Variants in EBF2 observed in about 807,000 individuals in gnomAD.
EBF2 encodes transcription factor COE2.
Under a neutral mutation model 72.8 loss-of-function variants are expected in EBF2, and 21 were observed. The ratio of observed to expected loss-of-function variants is 0.29; its 90% CI spans 0.20 to 0.42. The LOEUF is 0.42. Ranked by LOEUF, EBF2 falls within the 10% of genes least tolerant of loss-of-function variation. The pLI is 1.00. For missense variants in EBF2, 637 were observed against 731.2 expected, an observed-to-expected ratio of 0.87 and a Z score of 1.49; for synonymous variants, 299 against 274.2, an observed-to-expected ratio of 1.09 and a Z score of -0.89.
chr8:25,951,266 A>C (rs1169374579), intron 6 of EBF2, among the ~76,000 whole-genome samples: 1 of 152,168 alleles, frequency 6.6e-6, no homozygotes, highest in Non-Finnish European at 1.5e-5. Context: ...CAGTGCCAGC[A>C]ACTAGAATCT....
intron 6 of EBF2, among the ~76,000 whole-genome samples, chr8:25,996,470 G>A (rs1025621126): frequency 6.6e-6 from 1 of 151,492 alleles, no homozygotes; most frequent in African/African-American, 2.4e-5. Flanking sequence ...TTAAAAATCA[G>A]AACTGCAAAT....
intron 15 of EBF2, 107 bp downstream of exon 15, chr8:25,850,487 A>C: frequency 7.8e-7 from 1 of 1,281,254 alleles, no homozygotes; most frequent in Non-Finnish European, 1.0e-6. Context: ...ACAGCAAAGC[A>C]TCTCTTTGCA....
At chr8:25,899,180 A>C (rs1472479168) in intron 7 of EBF2, among the ~76,000 whole-genome samples, 1 of 151,972 alleles carries the variant, frequency 6.6e-6, no homozygotes, top group Admixed American at 6.6e-5. Context: ...GTCACTCCAG[A>C]GAGCCTTCCC....
At chr8:26,027,974 G>T (rs1805328361) in intron 6 of EBF2, among the ~76,000 whole-genome samples, 1 of 152,182 alleles carries the variant, frequency 6.6e-6, no homozygotes, top group Non-Finnish European at 1.5e-5. Context: ...GAGACGGGTA[G>T]TGGGGAATTG....
At chr8:25,945,094 C>CCA (rs1554572383) in intron 6 of EBF2, among the ~76,000 whole-genome samples, 3 of 140,862 alleles carry the variant, frequency 2.1e-5, no homozygotes, top group Non-Finnish European at 4.6e-5. Flanking sequence ...TGTTGCCCCC[C>CCA]CCGCCCCACC....
chr8:25,862,115 TTAAAGTGCAAATA>T (rs1802221923), intron 11 of EBF2, among the ~76,000 whole-genome samples: 1 of 152,236 alleles, frequency 6.6e-6, no homozygotes, highest in Admixed American at 6.5e-5. Flanking sequence ...ATTTGTGTGT[TTAAAGTGCAAATA>T]TAAATGTGAA....
chr8:26,002,611 AG>A (rs1429031571), intron 6 of EBF2, among the ~76,000 whole-genome samples: 1 of 152,188 alleles, frequency 6.6e-6, no homozygotes, highest in Non-Finnish European at 1.5e-5. Flanking sequence ...TAACAGGCAG[AG>A]GCTCGGGCTT....
chr8:26,019,661 G>A (rs150963926), intron 6 of EBF2, among the ~76,000 whole-genome samples: 33 of 152,268 alleles, frequency 2.2e-4, no homozygotes, highest in Non-Finnish European at 4.0e-4. Context: ...TCACAGGTCA[G>A]CCTGGTCAAC....
chr8:26,007,941 G>C (rs537223436), intron 6 of EBF2, among the ~76,000 whole-genome samples: 1 of 150,690 alleles, frequency 6.6e-6, no homozygotes, highest in African/African-American at 2.4e-5. Flanking sequence ...CATTTTTCCC[G>C]GAAAAAAGAA....
At chr8:26,033,000 C>G (rs1233298580) in intron 6 of EBF2, 85 bp downstream of exon 6, 4 of 1,310,664 alleles carry the variant, frequency 3.1e-6, no homozygotes, top group Non-Finnish European at 4.4e-6. Context: ...AACTTGACAG[C>G]AAAGCTCCAT....
chr8:25,882,315 TC>T (rs1802616897), intron 10 of EBF2, among the ~76,000 whole-genome samples: 1 of 152,108 alleles, frequency 6.6e-6, no homozygotes, highest in Admixed American at 6.5e-5. Context: ...AGGGGACTTT[TC>T]CCATTTCAGT....
chr8:25,917,544 C>T (rs1803239994), intron 6 of EBF2, among the ~76,000 whole-genome samples: 1 of 152,072 alleles, frequency 6.6e-6, no homozygotes, highest in Non-Finnish European at 1.5e-5. Flanking sequence ...GTCTTCTCAT[C>T]CAGAAAAGAA....
rs576113885 is a variant in EBF2, at chr8:25,859,459, A to G, written c.1343-955T>C. ...AAAAGTGTGGATGAGTTCCCCTAAA[A>G]TGTGCTATTCTCTGACCTAGGACTT... On this transcript the variant is annotated intron_variant, in intron 13 of 15. Coordinates refer to ENST00000520164, the MANE Select transcript of EBF2 (RefSeq NM_022659.4). 3.3e-5 allele frequency among the ~76,000 whole-genome samples: 5 copies of G among 152,220 alleles called. 1 individual carries two copies. The South Asian group carries it at 1.0e-3, about 32-fold the overall frequency.
intron 7 of EBF2, among the ~76,000 whole-genome samples, chr8:25,899,587 A>C (rs1802916321): frequency 6.6e-6 from 1 of 152,200 alleles, no homozygotes; most frequent in Non-Finnish European, 1.5e-5. Flanking sequence ...TTTAAGGAAA[A>C]TAGATGGTGG....
At chr8:25,895,790 A>G (rs1045046336) in intron 7 of EBF2, among the ~76,000 whole-genome samples, 1 of 152,146 alleles carries the variant, frequency 6.6e-6, no homozygotes, top group Non-Finnish European at 1.5e-5. Flanking sequence ...CCAATAGAGG[A>G]GTTATTTCTT....
chr8:25,934,684 C>CT (rs1803543849), intron 6 of EBF2, among the ~76,000 whole-genome samples: 1 of 152,188 alleles, frequency 6.6e-6, no homozygotes, highest in Non-Finnish European at 1.5e-5. Flanking sequence ...GCTCGCACGA[C>CT]ACTCCCTGTA....
intron 7 of EBF2, among the ~76,000 whole-genome samples, chr8:25,898,559 C>T (rs907235053): frequency 1.9e-4 from 29 of 152,272 alleles, no homozygotes; most frequent in African/African-American, 6.3e-4. Flanking sequence ...ACTTGCTACT[C>T]CCACCCTAGC....
intron 6 of EBF2, among the ~76,000 whole-genome samples, chr8:25,922,372 C>T (rs1490380737): frequency 6.6e-6 from 1 of 152,058 alleles, no homozygotes; most frequent in African/African-American, 2.4e-5. Flanking sequence ...TTATTCCTAC[C>T]TTTCATCAAA....
At chr8:25,945,495 C>T (rs1803751921) in intron 6 of EBF2, among the ~76,000 whole-genome samples, 1 of 151,852 alleles carries the variant, frequency 6.6e-6, no homozygotes, top group Non-Finnish European at 1.5e-5. Flanking sequence ...AAAGAGCCTC[C>T]CTAGGTTTGC....
Sources: gnomAD v4.1 joint callset for allele counts (sites outside exome capture counted in the v4.1 genomes callset) on GRCh38, gnomAD v4.1.1 for gene constraint, MANE v1.5 for transcripts, NCBI Gene and HGNC (gene_info 2026-07-23, HGNC 2026-07-21) for gene names.